Variants in RAB11FIP2 observed in about 807,000 individuals in gnomAD.
The protein encoded by RAB11FIP2 is RAB11 family interacting protein 2, also known as rab11 family-interacting protein 2.
Under a neutral mutation model 40.9 loss-of-function variants are expected in RAB11FIP2, and 16 were observed. That is an observed-to-expected ratio of 0.39 (90% confidence interval 0.26 to 0.59). The LOEUF (loss-of-function observed/expected upper bound fraction) is 0.59, where lower values mean the gene tolerates loss of function less well. Among genes scored for constraint, RAB11FIP2 ranks in the 20% least tolerant of loss-of-function variants. RAB11FIP2 has a pLI of 0.53. For synonymous variants in RAB11FIP2, 228 were observed against 213.7 expected (o/e 1.07, Z -0.58); for missense variants, 532 against 606.2 (o/e 0.88, Z 1.28).
Position 118,008,851 on chromosome 10 carries a change from T to C in RAB11FIP2, c.*147A>G. 1 of 659,310 alleles carries C rather than the reference T, an allele frequency of 1.5e-6. No homozygotes were observed. The allele number at this position is 659,310 out of a possible 1,614,324, so 40.8% of individuals were successfully genotyped here. A position where few individuals can be genotyped will look rare whatever the true frequency, so the allele number is the denominator to read the frequency against. ...GGTCACTCTTGATAGTCCCTGCTAA[T>C]ATTTACAGGTAAAACTACTCTTCAC... On this transcript the variant is annotated 3_prime_UTR_variant, in exon 5 of 5. Transcript: ENST00000355624.
At position 118,007,067 on chromosome 10, in the gene RAB11FIP2, C is replaced by T. The variant is rs555072622; in HGVS notation, c.*1931G>A. 9.9e-5 allele frequency: 15 copies of T among 151,218 alleles called. No individual in the cohort carries two copies. The highest frequency in any genetic ancestry group is 3.6e-4 in the African/African-American group (15 of 41,166). 9.4% of individuals were successfully genotyped at this position (151,218 alleles called of 1,614,324 possible). A position where few individuals can be genotyped will look rare whatever the true frequency, so the allele number is the denominator to read the frequency against. On this transcript the variant is annotated 3_prime_UTR_variant, in exon 5 of 5. Transcript: ENST00000355624. ...ATAATACTGAAAACATAGATTTTCA[C>T]ATTTTAAGAAGTGTATGAAAAGACT...
chr10:118,026,882 T>C (rs894137372), intron 3 of RAB11FIP2, among the ~76,000 whole-genome samples: 2 of 152,238 alleles, frequency 1.3e-5, no homozygotes, highest in South Asian at 4.1e-4. Context: ...TTGCTGAATA[T>C]ATGTCTTGAA....
At chr10:118,034,078 G>A in intron 3 of RAB11FIP2, 1 of 699,008 alleles carries the variant, frequency 1.4e-6, no homozygotes, top group East Asian at 2.7e-5. Flanking sequence ...TTAGCTTTGT[G>A]GGCCATATGG....
At chr10:118,015,755 T>C (rs1242522151) in intron 3 of RAB11FIP2, among the ~76,000 whole-genome samples, 1 of 152,202 alleles carries the variant, frequency 6.6e-6, no homozygotes, top group African/African-American at 2.4e-5. Context: ...ATTTTCTTCT[T>C]TGAAACATGT....
intron 4 of RAB11FIP2, among the ~76,000 whole-genome samples, chr10:118,012,996 A>C (rs1228536962): frequency 6.6e-6 from 1 of 152,116 alleles, no homozygotes; most frequent in Admixed American, 6.6e-5. Flanking sequence ...CCAGAATTTT[A>C]AATAATACAG....
chr10:118,041,269 A>C (rs1378724674), intron 1 of RAB11FIP2, among the ~76,000 whole-genome samples: 1 of 152,016 alleles, frequency 6.6e-6, no homozygotes, highest in Non-Finnish European at 1.5e-5. Context: ...AAAAACCTAA[A>C]ATGCTTCTTG....
intron 3 of RAB11FIP2, among the ~76,000 whole-genome samples, chr10:118,029,093 A>G (rs560497776): frequency 5.3e-5 from 8 of 152,174 alleles, no homozygotes; most frequent in African/African-American, 1.9e-4. Flanking sequence ...TTCAAAGACT[A>G]TAGACCTGAC....
At chr10:118,036,830 A>G (rs1846486969) in intron 3 of RAB11FIP2, among the ~76,000 whole-genome samples, 1 of 152,098 alleles carries the variant, frequency 6.6e-6, no homozygotes, top group Non-Finnish European at 1.5e-5. Context: ...GAAACAGCCA[A>G]TAATAATAAA....
In RAB11FIP2 at chr10:118,046,307, T is replaced by C; in HGVS notation, c.-144A>G. The C allele has an allele frequency of 1.4e-6, 1 of 730,692 alleles. No individual in the cohort carries two copies. Among genetic ancestry groups the C allele is most frequent in the Non-Finnish European group, 2.3e-6 (1 of 444,320 alleles). The allele number at this position is 730,692 out of a possible 1,614,324, so 45.3% of individuals were successfully genotyped here. A position where few individuals can be genotyped will look rare whatever the true frequency, so the allele number is the denominator to read the frequency against. On this transcript the variant is annotated 5_prime_UTR_variant, in exon 1 of 5. Coordinates refer to ENST00000355624, the MANE Select transcript of RAB11FIP2 (RefSeq NM_014904.3). Reference sequence around the variant, plus strand: ...GGCTCCCCGACTTCCCTATGGCTGATGTCAAAACGCCTCGCGGGGGCAGCC... The same window carrying C: ...GGCTCCCCGACTTCCCTATGGCTGACGTCAAAACGCCTCGCGGGGGCAGCC...
chr10:118,014,263 G>A (rs1307116563), intron 4 of RAB11FIP2, among the ~76,000 whole-genome samples: 3 of 152,014 alleles, frequency 2.0e-5, no homozygotes, highest in Admixed American at 6.6e-5. Context: ...CATCTGGATC[G>A]CACACATCAA....
At chr10:118,030,014 G>C (rs1378543818) in intron 3 of RAB11FIP2, among the ~76,000 whole-genome samples, 1 of 152,148 alleles carries the variant, frequency 6.6e-6, no homozygotes, top group Non-Finnish European at 1.5e-5. Context: ...TTTTAAAGTA[G>C]ACAAGGAAAG....
At chr10:118,032,642 C>T (rs1024526994) in intron 3 of RAB11FIP2, among the ~76,000 whole-genome samples, 2 of 152,168 alleles carry the variant, frequency 1.3e-5, no homozygotes, top group African/African-American at 4.8e-5. Context: ...GTCCCATCCC[C>T]TTATCTGTGG....
At chr10:118,041,015 A>AT (rs1192277257) in intron 1 of RAB11FIP2, among the ~76,000 whole-genome samples, 1 of 152,106 alleles carries the variant, frequency 6.6e-6, no homozygotes, top group Non-Finnish European at 1.5e-5. Flanking sequence ...ATCTCATGAC[A>AT]TTTTAATACA....
chr10:118,030,336 C>T (rs994663625), intron 3 of RAB11FIP2, among the ~76,000 whole-genome samples: 5 of 152,126 alleles, frequency 3.3e-5, no homozygotes, highest in African/African-American at 1.2e-4. Context: ...CTCAAGAGGG[C>T]TTACATGCTG....
intron 3 of RAB11FIP2, among the ~76,000 whole-genome samples, chr10:118,030,701 A>T (rs1362790359): frequency 6.6e-6 from 1 of 151,920 alleles, no homozygotes; most frequent in Admixed American, 6.6e-5. Flanking sequence ...CTCAAGAAAA[A>T]AAAAAAACCA....
chr10:118,041,704 C>A (rs563188959), intron 1 of RAB11FIP2, among the ~76,000 whole-genome samples: 110 of 152,190 alleles, frequency 7.2e-4, no homozygotes, highest in African/African-American at 2.6e-3. Flanking sequence ...ACTGGATATG[C>A]CAAGAGAAGA....
At chr10:118,038,581 G>C (rs1434429002) in intron 3 of RAB11FIP2, among the ~76,000 whole-genome samples, 2 of 152,038 alleles carry the variant, frequency 1.3e-5, no homozygotes, top group African/African-American at 4.8e-5. Flanking sequence ...CACATGGGCT[G>C]CTGTTGGTCC....
At chr10:118,031,578 G>A (rs1846414352) in intron 3 of RAB11FIP2, among the ~76,000 whole-genome samples, 1 of 152,034 alleles carries the variant, frequency 6.6e-6, no homozygotes, top group Non-Finnish European at 1.5e-5. Context: ...GGAGAATCAG[G>A]TAGACCTGAC....
At chr10:118,035,703 C>T (rs1028600840) in intron 3 of RAB11FIP2, among the ~76,000 whole-genome samples, 2 of 152,102 alleles carry the variant, frequency 1.3e-5, no homozygotes, top group African/African-American at 4.8e-5. Context: ...CTATCAAACT[C>T]TTCATGGTAG....
Sources: allele counts gnomAD v4.1 joint callset (sites outside exome capture counted in the v4.1 genomes callset), GRCh38; gene constraint gnomAD v4.1.1; transcripts MANE v1.5; gene names NCBI Gene and HGNC (gene_info 2026-07-23, HGNC 2026-07-21).